Variants in RAB27B observed in about 807,000 individuals in gnomAD.
The protein encoded by RAB27B is RAB27B, member RAS oncogene family.
A neutral mutation model predicts 24.6 loss-of-function variants in RAB27B; 15 were observed. The ratio of observed to expected loss-of-function variants is 0.61; its 90% CI spans 0.41 to 0.94. The LOEUF (loss-of-function observed/expected upper bound fraction) is 0.94. RAB27B is among the 40% of genes least tolerant of loss of function. The pLI, the probability that RAB27B is intolerant of heterozygous loss-of-function variation, is 0.00. For missense variants in RAB27B, 261 were observed against 266.8 expected (o/e 0.98, Z 0.15); for synonymous variants, 105 against 92.5 (o/e 1.14, Z -0.78).
At chr18:54,780,698 A>T (rs951814004) in intron 2 of RAB27B, among the ~76,000 whole-genome samples, 4 of 152,200 alleles carry the variant, frequency 2.6e-5, no homozygotes, top group Non-Finnish European at 5.9e-5. Context: ...ATTCTGAGAT[A>T]TTGGCAGTTA....
At chr18:54,831,837 A>G (rs1055368180) in intron 1 of RAB27B, among the ~76,000 whole-genome samples, 1 of 151,780 alleles carries the variant, frequency 6.6e-6, no homozygotes, top group Non-Finnish European at 1.5e-5. Flanking sequence ...GTGCCCTGGC[A>G]CGATCTTGGC....
At chr18:54,883,613 T>C (rs1056705276) in intron 3 of RAB27B, among the ~76,000 whole-genome samples, 1 of 152,116 alleles carries the variant, frequency 6.6e-6, no homozygotes, top group Non-Finnish European at 1.5e-5. Flanking sequence ...CATGGAAAGC[T>C]GACCAGGCAG....
At chr18:54,875,809 A>C (rs1912672348) in intron 1 of RAB27B, among the ~76,000 whole-genome samples, 2 of 152,204 alleles carry the variant, frequency 1.3e-5, no homozygotes, top group South Asian at 2.1e-4. Context: ...ATTATTATTT[A>C]CCCAAAGACG....
intron 2 of RAB27B, among the ~76,000 whole-genome samples, chr18:54,801,360 T>G (rs1259716479): frequency 6.6e-6 from 1 of 152,186 alleles, no homozygotes; most frequent in African/African-American, 2.4e-5. Flanking sequence ...AAAATTCATC[T>G]TCAACATTTA....
At chr18:54,739,456 CAAA>C (rs34119736) in intron 2 of RAB27B, among the ~76,000 whole-genome samples, 4 of 94,522 alleles carry the variant, frequency 4.2e-5, no homozygotes, top group Non-Finnish European at 6.7e-5. Flanking sequence ...AACTCCATCT[CAAA>C]AAAAAAAAAA....
At position 54,780,515 on chromosome 18, in the gene RAB27B, T is replaced by C. The variant is rs140337933; in HGVS notation, c.-20+62374T>C. 3.2e-3 allele frequency among the ~76,000 whole-genome samples: 466 copies of C among 147,658 alleles called. 6 individuals are homozygous for C. Among genetic ancestry groups the C allele is most frequent in the South Asian group, 0.03 (135 of 4,500 alleles). Reference sequence around the variant, plus strand: ...GTTTCGCCCTCACCGTGTCTCCCCTTTCTTGATGGCTTCCCCCTCACTGTG... The same window carrying C: ...GTTTCGCCCTCACCGTGTCTCCCCTCTCTTGATGGCTTCCCCCTCACTGTG... On this transcript the variant is annotated intron_variant, in intron 2 of 4. Coordinates refer to the RAB27B transcript ENST00000586570.
At chr18:54,831,276 G>C (rs1910664221) in intron 1 of RAB27B, among the ~76,000 whole-genome samples, 1 of 152,066 alleles carries the variant, frequency 6.6e-6, no homozygotes, top group African/African-American at 2.4e-5. Context: ...ATATGTGGAG[G>C]AAGAGCATTC....
At chr18:54,886,077 C>T (rs1913124695) in intron 4 of RAB27B, among the ~76,000 whole-genome samples, 1 of 152,118 alleles carries the variant, frequency 6.6e-6, no homozygotes, top group African/African-American at 2.4e-5. Flanking sequence ...TTGGGGATTA[C>T]ATTTCAACGT....
intron 2 of RAB27B, among the ~76,000 whole-genome samples, chr18:54,758,141 A>T (rs1049635771): frequency 6.6e-6 from 1 of 152,108 alleles, no homozygotes; most frequent in African/African-American, 2.4e-5. Flanking sequence ...CCTCTGTTAG[A>T]TAATAACCAA....
chr18:54,884,610 C>A lies in RAB27B; in HGVS notation c.343+174C>A, dbSNP rs142866135. Among the ~76,000 whole-genome samples, 190 of 152,236 alleles carry A rather than the reference C, an allele frequency of 1.2e-3. 2 individuals carry two copies. Among genetic ancestry groups the A allele is most frequent in the African/African-American group, 4.4e-3 (183 of 41,540 alleles). On this transcript the variant is annotated intron_variant, in intron 4 of 5. Coordinates refer to ENST00000262094, the MANE Select transcript of RAB27B (RefSeq NM_004163.4). Reference sequence around the variant, plus strand: ...TCAAAGTGGTGGCCTTTATGTGGACCACCCTAGGTAGCTTGGAATAGTATT... The same window carrying A: ...TCAAAGTGGTGGCCTTTATGTGGACAACCCTAGGTAGCTTGGAATAGTATT...
At chr18:54,740,265 A>C (rs894360441) in intron 2 of RAB27B, among the ~76,000 whole-genome samples, 1 of 152,214 alleles carries the variant, frequency 6.6e-6, no homozygotes, top group Non-Finnish European at 1.5e-5. Context: ...GCTCATCCCC[A>C]GATAATGAAA....
chr18:54,790,330 A>G (rs1053792882), intron 2 of RAB27B, among the ~76,000 whole-genome samples: 6 of 152,130 alleles, frequency 3.9e-5, no homozygotes, highest in African/African-American at 1.4e-4. Flanking sequence ...AAACATCAAA[A>G]CATTTTTCAA....
intron 1 of RAB27B, among the ~76,000 whole-genome samples, chr18:54,841,261 G>C (rs1049699673): frequency 2.7e-5 from 4 of 150,666 alleles, no homozygotes; most frequent in Non-Finnish European, 5.9e-5. Flanking sequence ...AGAAGTATTT[G>C]GGGAAAAAAA....
intron 1 of RAB27B, among the ~76,000 whole-genome samples, chr18:54,835,384 A>G (rs761599294): frequency 7.2e-5 from 11 of 151,964 alleles, no homozygotes; most frequent in Admixed American, 5.9e-4. Flanking sequence ...CTAAAGATAG[A>G]TATCACAGCT....
rs772886883 is a variant in RAB27B, at chr18:54,889,380, G to C, written c.624G>C (p.Gly208=). The change falls in exon 6 of 6, where the codon GGG becomes GGC. Residue 208 remains glycine (G), a synonymous_variant. Coordinates refer to ENST00000262094, the MANE Select transcript of RAB27B (RefSeq NM_004163.4). ...VNGGNSGNLD[G]EKPPEKKCIC Reference sequence around the variant, plus strand: ...GTGGAAATTCTGGAAACTTGGATGGGGAAAAGCCACCAGAGAAGAAATGTA... The same window carrying C: ...GTGGAAATTCTGGAAACTTGGATGGCGAAAAGCCACCAGAGAAGAAATGTA... 3.1e-5 allele frequency: 50 copies of C among 1,612,496 alleles called. No homozygotes were observed. Among genetic ancestry groups the C allele is most frequent in the East Asian group, 4.5e-5 (2 of 44,830 alleles).
At chr18:54,786,134 A>G (rs945403868) in intron 2 of RAB27B, among the ~76,000 whole-genome samples, 7 of 151,888 alleles carry the variant, frequency 4.6e-5, no homozygotes, top group Admixed American at 1.3e-4. Flanking sequence ...TCTGCAGAAT[A>G]TTTCCTCCTT....
At chr18:54,827,119 T>G (rs574994351), upstream of RAB27B, among the ~76,000 whole-genome samples, 3 of 152,328 alleles carry the variant, frequency 2.0e-5, no homozygotes, top group African/African-American at 7.2e-5. Context: ...CAAAGTAGAT[T>G]TATCATAAAT....
intron 2 of RAB27B, among the ~76,000 whole-genome samples, chr18:54,773,866 G>T (rs981098830): frequency 3.9e-5 from 6 of 151,932 alleles, no homozygotes; most frequent in Non-Finnish European, 7.4e-5. Flanking sequence ...TAGAGATGGG[G>T]TTTCATTATC....
chr18:54,871,865 A>AG (rs943694356), intron 1 of RAB27B, among the ~76,000 whole-genome samples: 3 of 151,848 alleles, frequency 2.0e-5, no homozygotes, highest in Middle Eastern at 3.2e-3. Context: ...AAAAAAAAAA[A>AG]AAAAGAAATA....
Sources: gnomAD v4.1 joint callset for allele counts (sites outside exome capture counted in the v4.1 genomes callset) on GRCh38, gnomAD v4.1.1 for gene constraint, MANE v1.5 for transcripts, NCBI Gene and HGNC (gene_info 2026-07-23, HGNC 2026-07-21) for gene names.